AHI1: variants seen among roughly 807,000 people sequenced by gnomAD.
AHI1 encodes jouberin.
A neutral mutation model predicts 149.3 loss-of-function variants in AHI1; 123 were observed. The ratio of observed to expected loss-of-function variants is 0.82; its 90% CI spans 0.71 to 0.96. The LOEUF is 0.96. AHI1 is among the 40% of genes least tolerant of loss of function. AHI1 has a pLI of 0.00. For missense variants in AHI1, 1,439 were observed against 1,422.7 expected (o/e 1.01, Z -0.18); for synonymous variants, 475 against 459.8 (o/e 1.03, Z -0.42).
intron 8 of AHI1, among the ~76,000 whole-genome samples, chr6:135,462,735 T>C (rs1181237411): frequency 6.6e-6 from 1 of 152,084 alleles, no homozygotes; most frequent in African/African-American, 2.4e-5. Flanking sequence ...ACCCCGTCTC[T>C]ACTAACAATA....
chr6:135,412,536 T>A (rs925506600), intron 20 of AHI1, among the ~76,000 whole-genome samples: 5 of 152,224 alleles, frequency 3.3e-5, no homozygotes, highest in African/African-American at 1.2e-4. Context: ...AAAGGGTGAA[T>A]GTTCTGATGA....
rs534632075 is a variant in AHI1, at chr6:135,451,366, A to G, written c.1440+1975T>C. ...CATCAATGATTAATTCCCTCAATATATATTCACCAAACACTTTCTATGTGA... is the reference window on the plus strand; with the variant it reads ...CATCAATGATTAATTCCCTCAATATGTATTCACCAAACACTTTCTATGTGA... On this transcript the variant is annotated intron_variant, in intron 11 of 28. Transcript: ENST00000265602. 9.2e-5 allele frequency among the ~76,000 whole-genome samples: 14 copies of G among 152,232 alleles called. No individual in the cohort carries two copies. In the East Asian group the frequency reaches 2.7e-3, roughly 29 times the overall value.
intron 24 of AHI1, among the ~76,000 whole-genome samples, chr6:135,352,108 G>C (rs1343000179): frequency 6.6e-6 from 1 of 152,100 alleles, no homozygotes; most frequent in Non-Finnish European, 1.5e-5. Context: ...GTAGATTTCT[G>C]TAGCTTCACA....
chr6:135,315,098 C>A (rs948413764), intron 26 of AHI1, among the ~76,000 whole-genome samples: 1 of 152,132 alleles, frequency 6.6e-6, no homozygotes, highest in Non-Finnish European at 1.5e-5. Flanking sequence ...TATGTCAGCT[C>A]TTTGTTCATC....
chr6:135,488,167 C>T (rs553074916), intron 5 of AHI1, among the ~76,000 whole-genome samples: 1 of 152,068 alleles, frequency 6.6e-6, no homozygotes, highest in Non-Finnish European at 1.5e-5. Flanking sequence ...AGATATAGTT[C>T]TCATCTCATA....
At chr6:135,313,595 A>G (rs571806551) in intron 26 of AHI1, among the ~76,000 whole-genome samples, 3 of 152,308 alleles carry the variant, frequency 2.0e-5, no homozygotes, top group Admixed American at 2.0e-4. Flanking sequence ...TGAAGCATGG[A>G]GATCACTCTA....
At chr6:135,287,136 G>T (rs996403074) in intron 28 of AHI1, among the ~76,000 whole-genome samples, 1 of 152,098 alleles carries the variant, frequency 6.6e-6, no homozygotes, top group Non-Finnish European at 1.5e-5. Flanking sequence ...AAAAGGGAAG[G>T]GGGAGAAGGG....
chr6:135,376,798 C>A (rs542357382), intron 23 of AHI1, among the ~76,000 whole-genome samples: 83 of 142,036 alleles, frequency 5.8e-4, no homozygotes, highest in Non-Finnish European at 1.0e-3. Context: ...AGGAGAATCA[C>A]CTGAACCCGG....
At chr6:135,496,882 A>C (rs945374459) in intron 2 of AHI1, among the ~76,000 whole-genome samples, 1 of 152,244 alleles carries the variant, frequency 6.6e-6, no homozygotes, top group Non-Finnish European at 1.5e-5. Flanking sequence ...CACTTTTGGT[A>C]TTTGAATTTC....
At position 135,457,665 on chromosome 6, in the gene AHI1, GTTA is replaced by G. The variant is rs1298635991; in HGVS notation, c.977_979del (p.Ile326del). 1 of 1,613,726 alleles carries G rather than the reference GTTA, an allele frequency of 6.2e-7. No homozygotes were observed. The highest frequency in any genetic ancestry group is 2.2e-5 in the East Asian group (1 of 44,868). ...GGGATAAACCGGGCTATCTCGGCTT[GTTA>G]TTTCATGAACACCATCACCATCAAC... On this transcript the variant is annotated inframe_deletion, in exon 9 of 29. Coordinates refer to ENST00000265602, the MANE Select transcript of AHI1 (RefSeq NM_001134831.2).
chr6:135,377,928 A>ATATTCTACATGTTGACTGCTCTATTCAT (rs1259196517), intron 23 of AHI1, among the ~76,000 whole-genome samples: 23 of 152,322 alleles, frequency 1.5e-4, no homozygotes, highest in African/African-American at 5.3e-4. Context: ...TTATATATTT[A>ATATTCTACATGTTGACTGCTCTATTCAT]TATTCTACAT....
chr6:135,314,797 C>A (rs981160079), intron 26 of AHI1, among the ~76,000 whole-genome samples: 1 of 152,092 alleles, frequency 6.6e-6, no homozygotes, highest in African/African-American at 2.4e-5. Context: ...TATTGCAATG[C>A]CAAAGCACTT....
chr6:135,416,633 TAG>T (rs1782425997), intron 20 of AHI1, among the ~76,000 whole-genome samples: 1 of 152,062 alleles, frequency 6.6e-6, no homozygotes. Context: ...TAAAACAATA[TAG>T]ACAGTATATA....
chr6:135,439,165 C>T (rs1055223971), intron 14 of AHI1, among the ~76,000 whole-genome samples: 3 of 152,216 alleles, frequency 2.0e-5, no homozygotes, highest in Non-Finnish European at 4.4e-5. Context: ...AGCAGTCCCC[C>T]CTTATGTGCA....
intron 23 of AHI1, among the ~76,000 whole-genome samples, chr6:135,389,337 C>T (rs1230876654): frequency 1.3e-5 from 2 of 149,556 alleles, no homozygotes. Context: ...AAATACAGTT[C>T]TTCAAATATT....
At chr6:135,358,479 A>G (rs1433760471) in intron 23 of AHI1, among the ~76,000 whole-genome samples, 1 of 152,198 alleles carries the variant, frequency 6.6e-6, no homozygotes, top group Non-Finnish European at 1.5e-5. Flanking sequence ...TTACACCATT[A>G]TCTGGGCTCT....
chr6:135,284,410 T>G lies in AHI1; in HGVS notation c.*1235A>C, dbSNP rs1389578732. 5.9e-5 allele frequency: 9 copies of G among 152,208 alleles called. No homozygotes were observed. The highest frequency in any genetic ancestry group is 1.9e-4 in the African/African-American group (8 of 41,454). 9.4% of individuals were successfully genotyped at this position (152,208 alleles called of 1,614,324 possible). On this transcript the variant is annotated 3_prime_UTR_variant, in exon 29 of 29. Transcript: ENST00000265602. Reference sequence around the variant, plus strand: ...GAATTGACTGTCTAATTTGGATAGGTCTTTCTAATTTTATATTAGTTTTCA... The same window carrying G: ...GAATTGACTGTCTAATTTGGATAGGGCTTTCTAATTTTATATTAGTTTTCA...
intron 23 of AHI1, among the ~76,000 whole-genome samples, chr6:135,363,886 C>A (rs1402194919): frequency 7.2e-6 from 1 of 139,330 alleles, no homozygotes; most frequent in Non-Finnish European, 1.6e-5. Flanking sequence ...GCTGGCCGGA[C>A]GGGGGGCTGA....
At chr6:135,390,582 ATG>A (rs1778340953) in intron 23 of AHI1, among the ~76,000 whole-genome samples, 1 of 152,158 alleles carries the variant, frequency 6.6e-6, no homozygotes, top group Non-Finnish European at 1.5e-5. Flanking sequence ...CTCCCTAAAC[ATG>A]TACCGTCGTC....
Sources: gnomAD v4.1 joint callset for allele counts (sites outside exome capture counted in the v4.1 genomes callset) on GRCh38, gnomAD v4.1.1 for gene constraint, MANE v1.5 for transcripts, NCBI Gene and HGNC (gene_info 2026-07-23, HGNC 2026-07-21) for gene names.